ARHGAP24: variants seen among roughly 807,000 people sequenced by gnomAD.
ARHGAP24 encodes the protein rho GTPase-activating protein 24.
A neutral mutation model predicts 76.4 loss-of-function variants in ARHGAP24; 50 were observed. The observed-to-expected ratio is 0.65, with a 90% CI of 0.52 to 0.83. The LOEUF is 0.83. ARHGAP24 is among the 40% of genes least tolerant of loss of function. ARHGAP24 has a pLI of 0.00. For missense variants in ARHGAP24, 930 were observed against 914.2 expected (o/e 1.02, Z -0.22); for synonymous variants, 345 against 323.3 (o/e 1.07, Z -0.72).
At chr4:85,949,955 A>C (rs1319496248) in intron 5 of ARHGAP24, among the ~76,000 whole-genome samples, 3 of 152,186 alleles carry the variant, frequency 2.0e-5, no homozygotes, top group Non-Finnish European at 4.4e-5. Context: ...ATAAACAATA[A>C]ACAGCAAATA....
intron 8 of ARHGAP24, among the ~76,000 whole-genome samples, chr4:85,989,234 A>G (rs1228310045): frequency 6.6e-6 from 1 of 151,728 alleles, no homozygotes; most frequent in Non-Finnish European, 1.5e-5. Context: ...TACAGATGTT[A>G]AAATAATCAT....
intron 3 of ARHGAP24, among the ~76,000 whole-genome samples, chr4:85,840,747 G>A (rs997365505): frequency 6.6e-6 from 1 of 152,178 alleles, no homozygotes; most frequent in Non-Finnish European, 1.5e-5. Flanking sequence ...ATTTAGTATT[G>A]TGACACAGCT....
intron 2 of ARHGAP24, among the ~76,000 whole-genome samples, chr4:85,651,085 G>A (rs923487119): frequency 2.7e-5 from 4 of 149,126 alleles, no homozygotes; most frequent in Non-Finnish European, 5.9e-5. Context: ...AAGCAGCAGC[G>A]TATGCAAAGG....
At chr4:85,682,417 A>G (rs569423904) in intron 2 of ARHGAP24, among the ~76,000 whole-genome samples, 1 of 152,330 alleles carries the variant, frequency 6.6e-6, no homozygotes, top group East Asian at 1.9e-4. Flanking sequence ...ACAAAGCAGG[A>G]ACAGTCAGGC....
At chr4:85,626,556 G>A (rs1378584361) in intron 2 of ARHGAP24, among the ~76,000 whole-genome samples, 1 of 152,108 alleles carries the variant, frequency 6.6e-6, no homozygotes, top group African/African-American at 2.4e-5. Context: ...TATGTGTCTT[G>A]GAGTTGCTCT....
At chr4:85,655,786 TATATATAGAG>T (rs1204314148) in intron 2 of ARHGAP24, among the ~76,000 whole-genome samples, 2 of 32,722 alleles carry the variant, frequency 6.1e-5, no homozygotes, top group South Asian at 1.7e-3. Context: ...TATATATATA[TATATATAGAG>T]AGAGAGAGAG....
chr4:85,926,096 G>A (rs181167557), intron 4 of ARHGAP24, among the ~76,000 whole-genome samples: 97 of 151,728 alleles, frequency 6.4e-4, no homozygotes, highest in African/African-American at 2.2e-3. Context: ...AAATGGCCAC[G>A]GGCAGTCACA....
At chr4:85,494,732 A>G (rs1723491230) in intron 1 of ARHGAP24, among the ~76,000 whole-genome samples, 1 of 152,094 alleles carries the variant, frequency 6.6e-6, no homozygotes, top group Non-Finnish European at 1.5e-5. Flanking sequence ...AGGAAATAAA[A>G]TAACAGAAAA....
At chr4:85,557,280 C>T (rs1726422630) in intron 1 of ARHGAP24, among the ~76,000 whole-genome samples, 1 of 152,166 alleles carries the variant, frequency 6.6e-6, no homozygotes, top group African/African-American at 2.4e-5. Flanking sequence ...TTCCTGCAGG[C>T]ATGTGAGGGA....
chr4:85,872,567 ATTAT>A (rs1732594409), intron 3 of ARHGAP24, among the ~76,000 whole-genome samples: 1 of 127,988 alleles, frequency 7.8e-6, no homozygotes, highest in Non-Finnish European at 1.6e-5. Context: ...AAGTGCTGGG[ATTAT>A]AGGCATGAGC....
intron 3 of ARHGAP24, among the ~76,000 whole-genome samples, chr4:85,831,244 A>C (rs6844781): frequency 0.3 from 45,810 of 152,070 alleles, 7,174 homozygotes; most frequent in Middle Eastern, 0.35. Flanking sequence ...TAAGAGCCCC[A>C]AAATTCTTTT....
intron 5 of ARHGAP24, among the ~76,000 whole-genome samples, chr4:85,965,368 A>C (rs1263313431): frequency 6.6e-6 from 1 of 152,126 alleles, no homozygotes; most frequent in Non-Finnish European, 1.5e-5. Flanking sequence ...GGTCCCTCCC[A>C]CAACACGTGG....
intron 1 of ARHGAP24, among the ~76,000 whole-genome samples, chr4:85,534,353 T>G (rs994181579): frequency 1.3e-5 from 2 of 152,204 alleles, no homozygotes; most frequent in African/African-American, 4.8e-5. Flanking sequence ...TTTTACTAAC[T>G]GAAAGATTGT....
At chr4:85,667,421 A>G (rs1390994747) in intron 2 of ARHGAP24, among the ~76,000 whole-genome samples, 1 of 151,684 alleles carries the variant, frequency 6.6e-6, no homozygotes, top group African/African-American at 2.4e-5. Flanking sequence ...TTTGACTAGG[A>G]AAGGGAACTC....
intron 2 of ARHGAP24, among the ~76,000 whole-genome samples, chr4:85,605,507 T>C (rs1720164079): frequency 6.6e-6 from 1 of 152,210 alleles, no homozygotes; most frequent in African/African-American, 2.4e-5. Flanking sequence ...AATATCTTCA[T>C]ATATGGGAAT....
intron 2 of ARHGAP24, among the ~76,000 whole-genome samples, chr4:85,580,679 C>T (rs1409198499): frequency 6.6e-6 from 1 of 152,114 alleles, no homozygotes; most frequent in Non-Finnish European, 1.5e-5. Flanking sequence ...GCAAGAACTC[C>T]CAGTCTCTCC....
At chr4:85,913,995 A>G (rs1735225793) in intron 3 of ARHGAP24, among the ~76,000 whole-genome samples, 1 of 152,226 alleles carries the variant, frequency 6.6e-6, no homozygotes, top group Non-Finnish European at 1.5e-5. Flanking sequence ...ATTCCAATGC[A>G]AAGAGAAATA....
chr4:85,487,784 T>A, intron 1 of ARHGAP24, among the ~76,000 whole-genome samples: 1 of 110,438 alleles, frequency 9.1e-6, no homozygotes, highest in Non-Finnish European at 1.7e-5. Flanking sequence ...ATTTATTATA[T>A]ATTATATAAA....
chr4:85,628,497 A>G (rs1350585341), intron 2 of ARHGAP24, among the ~76,000 whole-genome samples: 1 of 152,160 alleles, frequency 6.6e-6, no homozygotes, highest in Non-Finnish European at 1.5e-5. Context: ...GATATTCTGT[A>G]TCTATCTGAT....
Sources: gnomAD v4.1 joint callset for allele counts (sites outside exome capture counted in the v4.1 genomes callset) on GRCh38, gnomAD v4.1.1 for gene constraint, MANE v1.5 for transcripts, NCBI Gene and HGNC (gene_info 2026-07-23, HGNC 2026-07-21) for gene names.